Variants in GAREM1 observed in about 807,000 individuals in gnomAD.
The protein encoded by GAREM1 is GRB2 associated regulator of MAPK1 subtype 1, also known as GRB2-associated and regulator of MAPK protein 1.
In GAREM1, 26 loss-of-function variants were observed where a neutral mutation model predicts 71.3. That is an observed-to-expected ratio of 0.36 (90% confidence interval 0.27 to 0.51). The LOEUF (loss-of-function observed/expected upper bound fraction) is 0.51, where lower values mean the gene tolerates loss of function less well. Among genes scored for constraint, GAREM1 ranks in the 20% least tolerant of loss-of-function variants. The pLI is 0.95. For synonymous variants in GAREM1, 440 were observed against 433.2 expected, an observed-to-expected ratio of 1.02 and a Z score of -0.20; for missense variants, 1,026 against 1,103.1, an observed-to-expected ratio of 0.93 and a Z score of 0.99.
chr18:32,447,151 T>C (rs777314178), intron 1 of GAREM1, among the ~76,000 whole-genome samples: 16 of 152,170 alleles, frequency 1.1e-4, no homozygotes, highest in South Asian at 2.1e-4. Flanking sequence ...CACCACCTAA[T>C]TTACATTCAG....
chr18:32,423,031 A>AAATGTTTATGT (rs1353981770), intron 1 of GAREM1, among the ~76,000 whole-genome samples: 1 of 152,232 alleles, frequency 6.6e-6, no homozygotes, highest in Admixed American at 6.5e-5. Context: ...CTCAAATTTC[A>AAATGTTTATGT]TATGAGCACA....
chr18:32,369,012 T>C (rs559964623), intron 2 of GAREM1, among the ~76,000 whole-genome samples: 2 of 152,362 alleles, frequency 1.3e-5, no homozygotes, highest in African/African-American at 4.8e-5. Context: ...CCTATACCAC[T>C]GTTTCTAGTG....
rs202143402 is a variant in GAREM1 at position 32,268,651 on chromosome 18, A to G, written c.1851T>C (p.Ala617=). Residue 617 remains alanine (A), a synonymous_variant, in exon 6 of 6, where the codon GCT becomes GCC. Coordinates refer to ENST00000269209, the MANE Select transcript of GAREM1 (RefSeq NM_001242409.2). The stretch of plus-strand genomic sequence containing the variant: ...ATGAGAGCCGAGAGGACACAGCTTC[A>G]GCAGAAGGACTTCCAAACGGGGATT... The part of the protein sequence containing the change: ...DLKSPFGSPS[A]EAVSSRLSWP... 1.9e-6 allele frequency: 3 copies of G among 1,614,104 alleles called. No homozygotes were observed. The highest frequency in any genetic ancestry group is 3.3e-5 in the Admixed American group (2 of 60,012).
intron 2 of GAREM1, among the ~76,000 whole-genome samples, chr18:32,359,021 T>C (rs2047834809): frequency 6.6e-6 from 1 of 152,208 alleles, no homozygotes; most frequent in Admixed American, 6.5e-5. Context: ...CCGTCAGCCA[T>C]CCTCAGCTGT....
intron 1 of GAREM1, among the ~76,000 whole-genome samples, chr18:32,411,929 T>C (rs918058368): frequency 2.0e-5 from 3 of 151,340 alleles, no homozygotes; most frequent in Admixed American, 1.3e-4. Flanking sequence ...CATTTAGCAA[T>C]CAACAGCATG....
In GAREM1 at chr18:32,287,587, T is replaced by G. The variant is rs971187669; in HGVS notation, c.1010A>C (p.Asp337Ala). 3.1e-6 allele frequency: 5 copies of G among 1,614,082 alleles called. No homozygotes were observed. Among genetic ancestry groups the G allele is most frequent in the Non-Finnish European group, 4.2e-6 (5 of 1,180,048 alleles). The change falls in exon 4 of 6, where the codon GAT becomes GCT. Residue 337 changes from aspartate to alanine, a missense_variant. Asp to Ala is a moderately radical substitution (Grantham distance 126). Transcript: ENST00000269209. This position sits in a 1 kb window ranked among gnomAD's most constrained non-coding sequence, Gnocchi z 5.9. ...ATCACGGACAGCCCGTGAATACTCA[T>G]CGATGTCGAACTGTTCTTGGCAGAT... is the stretch of plus-strand genomic sequence containing the variant. ...LGICQEQFDI[D>A]EYSRAVRDVK... is the part of the protein sequence containing the mutation.
At chr18:32,431,692 A>G (rs2048626619) in intron 1 of GAREM1, among the ~76,000 whole-genome samples, 1 of 152,174 alleles carries the variant, frequency 6.6e-6, no homozygotes, top group African/African-American at 2.4e-5. Flanking sequence ...AAAGATATAA[A>G]TTTACAGACT....
Position 32,310,255 on chromosome 18 carries a change from C to T in GAREM1, c.331G>A (p.Glu111Lys). 1 of 1,614,082 alleles carries T rather than the reference C, an allele frequency of 6.2e-7. No individual in the cohort carries two copies. Among genetic ancestry groups the T allele is most frequent in the Non-Finnish European group, 8.5e-7 (1 of 1,179,980 alleles). The change falls in exon 3 of 6, where the codon GAG (glutamate) becomes AAG (lysine). Residue 111 changes from glutamate (E) to lysine (K), a missense_variant. By Grantham distance (56) the Glu-to-Lys change is moderately conservative. Coordinates refer to ENST00000269209, the MANE Select transcript of GAREM1 (RefSeq NM_001242409.2). ...CGTTCAGGAAATGCCTTAGCCACCT[C>T]CTCCACACTGTTGAAATATTGCACT... ...EPVQYFNSVE[E>K]VAKAFPERVY...
chr18:32,399,702 G>A lies in GAREM1; in HGVS notation c.122-6667C>T, dbSNP rs1020545142. Among the ~76,000 whole-genome samples, 354 of 152,260 alleles carry A rather than the reference G, an allele frequency of 2.3e-3. 2 individuals are homozygous for A. Among genetic ancestry groups the A allele is most frequent in the African/African-American group, 8.1e-3 (335 of 41,548 alleles). ...ACGAACAAATGGAAGAACATTCCATGCTCATGGATAGGAAGAATCAATATC... is the reference window on the plus strand; with the variant it reads ...ACGAACAAATGGAAGAACATTCCATACTCATGGATAGGAAGAATCAATATC... On this transcript the variant is annotated intron_variant, in intron 1 of 5. Transcript: ENST00000269209.
intron 3 of GAREM1, 87 bp downstream of exon 3, chr18:32,310,106 C>G: frequency 6.9e-7 from 1 of 1,448,160 alleles, no homozygotes; most frequent in East Asian, 2.3e-5. Context: ...CTAGGAGACA[C>G]AGATGAACAC....
At chr18:32,375,842 C>A (rs1322812530) in intron 2 of GAREM1, among the ~76,000 whole-genome samples, 2 of 152,190 alleles carry the variant, frequency 1.3e-5, no homozygotes, top group East Asian at 3.9e-4. Context: ...AGAGCAAAAA[C>A]TTGATTGGGG....
intron 2 of GAREM1, among the ~76,000 whole-genome samples, chr18:32,359,731 T>C (rs950205106): frequency 6.6e-6 from 1 of 152,146 alleles, no homozygotes; most frequent in Non-Finnish European, 1.5e-5. Context: ...GACCAGCCTG[T>C]GCAACTTAGC....
At chr18:32,407,973 CT>C (rs75877831) in intron 1 of GAREM1, among the ~76,000 whole-genome samples, 100 of 149,530 alleles carry the variant, frequency 6.7e-4, no homozygotes, top group Non-Finnish European at 1.2e-3. Flanking sequence ...AGAGTTTTGT[CT>C]TTTTTTTTTA....
At chr18:32,299,459 A>T (rs777450393) in intron 3 of GAREM1, among the ~76,000 whole-genome samples, 1 of 142,460 alleles carries the variant, frequency 7.0e-6, no homozygotes, top group Non-Finnish European at 1.5e-5. Flanking sequence ...GCTTGCAGTG[A>T]GCCGAGATCG....
chr18:32,372,510 G>A (rs943080187), intron 2 of GAREM1, among the ~76,000 whole-genome samples: 5 of 152,170 alleles, frequency 3.3e-5, no homozygotes, highest in Non-Finnish European at 5.9e-5. Context: ...TAGAGCCCTA[G>A]GAGCTATGCC....
rs755588255 is a variant in GAREM1, at chr18:32,268,393, C to T, written c.2109G>A (p.Leu703=). The part of the protein sequence containing the change: ...SGCPKSASYS[L]ESTDVKSLAA... ...CAAGAGATTTCACATCTGTGCTCTC[C>T]AGAGAGTAGCTGGCTGACTTGGGAC... The change falls in exon 6 of 6, where the codon CTG becomes CTA. Residue 703 remains leucine (L), a synonymous_variant. Coordinates refer to ENST00000269209, the MANE Select transcript of GAREM1 (RefSeq NM_001242409.2). 30 of 1,614,046 alleles carry T rather than the reference C, an allele frequency of 1.9e-5. No homozygotes were observed. In the South Asian group the frequency reaches 2.9e-4, roughly 15 times the overall value.
chr18:32,308,475 A>G (rs1202919822), intron 3 of GAREM1, among the ~76,000 whole-genome samples: 1 of 150,286 alleles, frequency 6.7e-6, no homozygotes, highest in Non-Finnish European at 1.5e-5. Context: ...TTATTAGCAA[A>G]TGAAATATTT....
At position 32,380,870 on chromosome 18, in the gene GAREM1, A is replaced by C. The variant is rs1461831467; in HGVS notation, c.262+12025T>G. On this transcript the variant is annotated intron_variant, in intron 2 of 5. Coordinates refer to ENST00000269209, the MANE Select transcript of GAREM1 (RefSeq NM_001242409.2). ...GTAAGAGAGTTAAAAACTGTGACAA[A>C]TTCCTTAATAGATGTTTTGATCCTA... Among the ~76,000 whole-genome samples, 3 of 152,208 alleles carry C rather than the reference A, an allele frequency of 2.0e-5. No individual in the cohort carries two copies. In the East Asian group the frequency reaches 5.8e-4, roughly 29 times the overall value.
At chr18:32,351,231 A>G (rs1295380228) in intron 2 of GAREM1, among the ~76,000 whole-genome samples, 1 of 152,190 alleles carries the variant, frequency 6.6e-6, no homozygotes, top group Non-Finnish European at 1.5e-5. Context: ...AACACATCTG[A>G]GTGCCTTAGT....
Sources: gnomAD v4.1 joint callset for allele counts (sites outside exome capture counted in the v4.1 genomes callset) on GRCh38, gnomAD v4.1.1 for gene constraint, Gnocchi (gnomAD v3.1) non-coding constraint, MANE v1.5 for transcripts, NCBI Gene and HGNC (gene_info 2026-07-23, HGNC 2026-07-21) for gene names.